LDAH: variants seen among roughly 807,000 people sequenced by gnomAD.
LDAH encodes the protein lipid droplet associated hydrolase, also known as lipid droplet-associated hydrolase.
A neutral mutation model predicts 29.6 loss-of-function variants in LDAH; 26 were observed. That is an observed-to-expected ratio of 0.88 (90% CI 0.64 to 1.22). The LOEUF is 1.22. LDAH is among the 50% of genes most tolerant of loss of function. The pLI is 0.00. For missense variants in LDAH, 344 were observed against 387.3 expected (o/e 0.89, Z 0.94); for synonymous variants, 117 against 133.0 (o/e 0.88, Z 0.83).
At chr2:20,763,116 T>A (rs1668802228) in intron 4 of LDAH, among the ~76,000 whole-genome samples, 1 of 152,218 alleles carries the variant, frequency 6.6e-6, no homozygotes, top group African/African-American at 2.4e-5. Context: ...TACATCTTGG[T>A]AGTGCTGTTA....
intron 5 of LDAH, among the ~76,000 whole-genome samples, chr2:20,731,936 A>G (rs1202028758): frequency 6.6e-6 from 1 of 151,828 alleles, no homozygotes; most frequent in Non-Finnish European, 1.5e-5. Flanking sequence ...CTCTACAGAC[A>G]ATCATGCCAT....
chr2:20,767,363 C>T (rs979808230), intron 4 of LDAH, among the ~76,000 whole-genome samples: 3 of 152,316 alleles, frequency 2.0e-5, no homozygotes, highest in Non-Finnish European at 2.9e-5. Flanking sequence ...TCCTGGTGCC[C>T]GCTCTGATCT....
intron 6 of LDAH, 77 bp from the exon 7 acceptor site, chr2:20,687,171 G>GCCGGCAGAGCCAGC (rs1662623032): frequency 1.6e-6 from 2 of 1,234,272 alleles, no homozygotes; most frequent in African/African-American, 3.0e-5. Context: ...GCAGCCGGCA[G>GCCGGCAGAGCCAGC]TGCTCTGAGG....
intron 5 of LDAH, among the ~76,000 whole-genome samples, chr2:20,718,944 T>A (rs1030574737): frequency 3.3e-5 from 5 of 151,902 alleles, no homozygotes; most frequent in East Asian, 1.9e-4. Context: ...ATGAGAGAAA[T>A]TTTTTAAAAA....
At chr2:20,758,630 A>G (rs1247093157) in intron 4 of LDAH, among the ~76,000 whole-genome samples, 1 of 152,200 alleles carries the variant, frequency 6.6e-6, no homozygotes, top group East Asian at 1.9e-4. Flanking sequence ...AATTATGAGA[A>G]AAAGTGTTAC....
chr2:20,689,154 C>A (rs1662812984), intron 6 of LDAH, among the ~76,000 whole-genome samples: 1 of 152,046 alleles, frequency 6.6e-6, no homozygotes, highest in African/African-American at 2.4e-5. Context: ...CATGTCCCTG[C>A]AAAGGACATG....
At chr2:20,759,660 T>A (rs926731513) in intron 4 of LDAH, among the ~76,000 whole-genome samples, 1 of 152,174 alleles carries the variant, frequency 6.6e-6, no homozygotes, top group African/African-American at 2.4e-5. Flanking sequence ...CTATCTGAAC[T>A]AAACAAAAGC....
chr2:20,683,075 C>T (rs116446897), downstream of LDAH, among the ~76,000 whole-genome samples: 626 of 152,290 alleles, frequency 4.1e-3, 5 homozygotes, highest in African/African-American at 0.015. Flanking sequence ...TTTATAGAAC[C>T]ATAGAACCAC....
At chr2:20,750,282 T>G (rs938414933) in intron 4 of LDAH, among the ~76,000 whole-genome samples, 1 of 152,132 alleles carries the variant, frequency 6.6e-6, no homozygotes, top group Non-Finnish European at 1.5e-5. Flanking sequence ...TGCCTCAGCC[T>G]CCCAAAGTGT....
intron 2 of LDAH, among the ~76,000 whole-genome samples, chr2:20,798,294 C>T (rs1251055251): frequency 6.6e-6 from 1 of 152,048 alleles, no homozygotes; most frequent in Non-Finnish European, 1.5e-5. Flanking sequence ...ACAGAAGTCC[C>T]CAGGATGGCA....
At chr2:20,724,560 G>T (rs1386004836) in intron 5 of LDAH, among the ~76,000 whole-genome samples, 2 of 152,178 alleles carry the variant, frequency 1.3e-5, no homozygotes, top group Non-Finnish European at 1.5e-5. Flanking sequence ...CATGATGGAG[G>T]CCAGAACTAG....
At chr2:20,693,705 A>ATTCT (rs1663209007) in intron 6 of LDAH, among the ~76,000 whole-genome samples, 1 of 152,270 alleles carries the variant, frequency 6.6e-6, no homozygotes, top group Non-Finnish European at 1.5e-5. Flanking sequence ...AAATGAAGAA[A>ATTCT]GGCACCGACA....
chr2:20,683,618 C>T (rs1334583566), downstream of LDAH, among the ~76,000 whole-genome samples: 2 of 152,168 alleles, frequency 1.3e-5, no homozygotes, highest in Non-Finnish European at 2.9e-5. Flanking sequence ...GCCAGGTGAG[C>T]AAGTGTTATC....
intron 1 of LDAH, among the ~76,000 whole-genome samples, chr2:20,805,550 C>G (rs557016709): frequency 6.6e-6 from 1 of 152,130 alleles, no homozygotes; most frequent in African/African-American, 2.4e-5. Flanking sequence ...GATAATGGCA[C>G]GCCTTCAGCC....
intron 5 of LDAH, among the ~76,000 whole-genome samples, chr2:20,731,954 C>T (rs1039690932): frequency 2.0e-5 from 3 of 151,684 alleles, no homozygotes; most frequent in African/African-American, 7.3e-5. Context: ...CATCTACAAA[C>T]GAGATTAATT....
intron 1 of LDAH, among the ~76,000 whole-genome samples, chr2:20,804,710 G>A (rs1016172312): frequency 1.3e-5 from 2 of 151,762 alleles, no homozygotes; most frequent in Admixed American, 6.6e-5. Context: ...TGTTAATTTA[G>A]TGAATTTAGG....
At chr2:20,710,606 G>GTGTGTATATATATATCTATA (rs1467950593) in intron 5 of LDAH, among the ~76,000 whole-genome samples, 1 of 131,874 alleles carries the variant, frequency 7.6e-6, no homozygotes, top group Non-Finnish European at 1.6e-5. Context: ...GTGTGTGTGT[G>GTGTGTATATATATATCTATA]TATATATATA....
rs925792904 is a variant in LDAH, at chr2:20,816,604, A to G, written c.-3+6433T>C. On this transcript the variant is annotated intron_variant, in intron 1 of 6. Coordinates refer to ENST00000237822, the MANE Select transcript of LDAH (RefSeq NM_021925.4). ...AGATATTTAACATGAAGCCAAAACCAACAGAGCTCAAAGGAAAAACAGAGA... is the reference window on the plus strand; with the variant it reads ...AGATATTTAACATGAAGCCAAAACCGACAGAGCTCAAAGGAAAAACAGAGA... Among the ~76,000 whole-genome samples the G allele has an allele frequency of 1.2e-4, 18 of 152,216 alleles. 1 individual carries two copies. Among genetic ancestry groups the G allele is most frequent in the Admixed American group, 1.2e-3 (18 of 15,300 alleles).
chr2:20,803,574 G>C (rs1366301668), intron 1 of LDAH, among the ~76,000 whole-genome samples: 1 of 152,176 alleles, frequency 6.6e-6, no homozygotes, highest in Non-Finnish European at 1.5e-5. Context: ...CAACTCACTT[G>C]CACCCCAAGG....
Sources: allele counts gnomAD v4.1 joint callset (sites outside exome capture counted in the v4.1 genomes callset), GRCh38; gene constraint gnomAD v4.1.1; transcripts MANE v1.5; gene names NCBI Gene and HGNC (gene_info 2026-07-23, HGNC 2026-07-21).